The following NAALADL2 variants were observed in gnomAD, a reference collection of about 807,000 sequenced individuals.
NAALADL2 encodes inactive N-acetylated-alpha-linked acidic dipeptidase-like protein 2.
NAALADL2 carries 76 observed loss-of-function variants against 87.2 expected under a neutral mutation model. The ratio of observed to expected loss-of-function variants is 0.87; its 90% CI spans 0.72 to 1.05. NAALADL2 has a LOEUF of 1.05. NAALADL2 is among the 50% of genes least tolerant of loss of function. The probability of loss-of-function intolerance (pLI) is 0.00; values close to 1 mark genes in which losing one functional copy is unlikely to be tolerated. For synonymous variants in NAALADL2, 354 were observed against 331.0 expected (o/e 1.07, Z -0.75); for missense variants, 1,089 against 945.8 (o/e 1.15, Z -1.99).
At chr3:174,971,110 G>C (rs753718318) in intron 1 of NAALADL2, among the ~76,000 whole-genome samples, 1 of 152,148 alleles carries the variant, frequency 6.6e-6, no homozygotes, top group Non-Finnish European at 1.5e-5. Context: ...GATCTCGTGA[G>C]ACTTAATCAC....
In NAALADL2 at chr3:174,483,628, A is replaced by G. The variant is rs1560009194; in HGVS notation, c.-184+42596A>G. ...AAAGTAAGGAATAAAGTATAATCAGAATGTAAAGTAACTTCCAGATAACTA... is the reference window on the plus strand; with the variant it reads ...AAAGTAAGGAATAAAGTATAATCAGGATGTAAAGTAACTTCCAGATAACTA... On this transcript the variant is annotated intron_variant, in intron 1 of 3. Coordinates refer to the NAALADL2 transcript ENST00000434257. Among the ~76,000 whole-genome samples the G allele has an allele frequency of 3.3e-5, 5 of 152,190 alleles. No homozygotes were observed. The South Asian group carries it at 1.0e-3, about 32-fold the overall frequency.
At chr3:175,044,767 T>A (rs1033088346) in intron 1 of NAALADL2, among the ~76,000 whole-genome samples, 28 of 152,120 alleles carry the variant, frequency 1.8e-4, no homozygotes, top group African/African-American at 6.8e-4. Flanking sequence ...ATCAAAGTCT[T>A]ACAGATTGGT....
In NAALADL2 at chr3:175,782,854, C is replaced by G. The variant is rs371677176; in HGVS notation, c.2190-20151C>G. On this transcript the variant is annotated intron_variant, in intron 13 of 13. Transcript: ENST00000454872. Reference sequence around the variant, plus strand: ...ATGGTTTTAGGTCTAATGTTTAAGTCTTTAATCCATCTTGAATTGATTTTT... The same window carrying G: ...ATGGTTTTAGGTCTAATGTTTAAGTGTTTAATCCATCTTGAATTGATTTTT... Among the ~76,000 whole-genome samples, 93 of 147,566 alleles carry G rather than the reference C, an allele frequency of 6.3e-4. 1 individual carries two copies. The East Asian group carries it at 0.014, about 23-fold the overall frequency.
At chr3:175,065,494 CAA>C (rs1375181057) in intron 1 of NAALADL2, among the ~76,000 whole-genome samples, 1 of 152,116 alleles carries the variant, frequency 6.6e-6, no homozygotes. Flanking sequence ...TGAACCATGT[CAA>C]AAGACATACA....
At chr3:174,937,555 C>G (rs1418110176) in intron 1 of NAALADL2, among the ~76,000 whole-genome samples, 2 of 151,958 alleles carry the variant, frequency 1.3e-5, no homozygotes, top group East Asian at 3.9e-4. Context: ...CTATTTGTAT[C>G]TTTCAGAAAC....
At chr3:175,196,470 GCTT>G (rs1383971670) in intron 2 of NAALADL2, among the ~76,000 whole-genome samples, 1 of 151,904 alleles carries the variant, frequency 6.6e-6, no homozygotes, top group East Asian at 1.9e-4. Context: ...AGCAGAAAAT[GCTT>G]CTCCTGTTGT....
chr3:175,687,950 C>T (rs927531864), intron 11 of NAALADL2, among the ~76,000 whole-genome samples: 1 of 152,056 alleles, frequency 6.6e-6, no homozygotes, highest in Non-Finnish European at 1.5e-5. Flanking sequence ...ACTTCTTGTA[C>T]ACCCTGCAGA....
chr3:175,285,611 C>T (rs1021619256), intron 4 of NAALADL2, among the ~76,000 whole-genome samples: 2 of 152,120 alleles, frequency 1.3e-5, no homozygotes, highest in Admixed American at 6.5e-5. Context: ...CATTTAGCTA[C>T]TTGTGCTTTG....
intron 10 of NAALADL2, among the ~76,000 whole-genome samples, chr3:175,607,094 G>C (rs560713095): frequency 6.6e-6 from 1 of 152,248 alleles, no homozygotes; most frequent in African/African-American, 2.4e-5. Context: ...GTGAAGTTTG[G>C]CTTCTTTTTG....
chr3:175,479,625 A>G (rs1255483409), intron 9 of NAALADL2, among the ~76,000 whole-genome samples: 1 of 151,756 alleles, frequency 6.6e-6, no homozygotes, highest in Non-Finnish European at 1.5e-5. Flanking sequence ...GTGCAAATAC[A>G]CTTTTTCAGA....
intron 9 of NAALADL2, among the ~76,000 whole-genome samples, chr3:175,517,613 T>C (rs1328259745): frequency 6.6e-6 from 1 of 152,172 alleles, no homozygotes; most frequent in African/African-American, 2.4e-5. Context: ...CAATTAGAAT[T>C]GACAACAAAA....
At chr3:175,276,467 C>T (rs1753612940) in intron 4 of NAALADL2, among the ~76,000 whole-genome samples, 1 of 152,012 alleles carries the variant, frequency 6.6e-6, no homozygotes, top group Non-Finnish European at 1.5e-5. Context: ...CCACGCCTGG[C>T]TAGTTTTTTG....
intron 2 of NAALADL2, among the ~76,000 whole-genome samples, chr3:174,691,462 A>G (rs1728575376): frequency 6.6e-6 from 1 of 152,076 alleles, no homozygotes; most frequent in Admixed American, 6.6e-5. Flanking sequence ...ATTGCTAAAA[A>G]ATGCTAACAA....
intron 2 of NAALADL2, among the ~76,000 whole-genome samples, chr3:174,672,708 A>T (rs1399229796): frequency 6.6e-6 from 1 of 152,030 alleles, no homozygotes; most frequent in Non-Finnish European, 1.5e-5. Context: ...GTGCTCAGGG[A>T]GTAAAGCATG....
intron 5 of NAALADL2, among the ~76,000 whole-genome samples, chr3:175,362,353 C>T (rs187703577): frequency 1.4e-5 from 2 of 147,838 alleles, no homozygotes; most frequent in Non-Finnish European, 3.0e-5. Context: ...AATGCGGGCT[C>T]TTTTTTGGTT....
At chr3:175,011,409 T>G (rs527303570) in intron 1 of NAALADL2, among the ~76,000 whole-genome samples, 443 of 152,330 alleles carry the variant, frequency 2.9e-3, no homozygotes, top group South Asian at 0.015. Flanking sequence ...TGGACCACTT[T>G]CCATGTAAAA....
At chr3:174,780,301 A>G (rs113883223) in intron 3 of NAALADL2, among the ~76,000 whole-genome samples, 1,578 of 152,274 alleles carry the variant, frequency 0.01, 32 homozygotes, top group African/African-American at 0.036. Flanking sequence ...ATTGGTGTAT[A>G]GCAAAGCTTG....
chr3:175,177,914 T>C (rs181363875), intron 2 of NAALADL2, among the ~76,000 whole-genome samples: 208 of 152,042 alleles, frequency 1.4e-3, no homozygotes, highest in African/African-American at 4.8e-3. Flanking sequence ...TATTTTCTAG[T>C]GTCATGGGTA....
At chr3:174,820,825 G>A (rs1041431603) in intron 3 of NAALADL2, among the ~76,000 whole-genome samples, 1 of 149,916 alleles carries the variant, frequency 6.7e-6, no homozygotes, top group South Asian at 2.1e-4. Context: ...GAAATATGTG[G>A]TATATGTTTT....
Sources: gnomAD v4.1 joint callset for allele counts (sites outside exome capture counted in the v4.1 genomes callset) on GRCh38, gnomAD v4.1.1 for gene constraint, MANE v1.5 for transcripts, NCBI Gene and HGNC (gene_info 2026-07-23, HGNC 2026-07-21) for gene names.